Variants in ZNF607 observed in about 807,000 individuals in gnomAD.
The protein encoded by ZNF607 is zinc finger protein 607.
A neutral mutation model predicts 12.8 loss-of-function variants in ZNF607; 5 were observed. The ratio of observed to expected loss-of-function variants is 0.39; its 90% CI spans 0.20 to 0.82. The LOEUF is 0.82. Ranked by LOEUF, ZNF607 falls within the 40% of genes least tolerant of loss-of-function variation. The pLI, the probability that ZNF607 is intolerant of heterozygous loss-of-function variation, is 0.39. For synonymous variants in ZNF607, 287 were observed against 276.2 expected (o/e 1.04, Z -0.39); for missense variants, 851 against 859.2 (o/e 0.99, Z 0.12).
In ZNF607 at chr19:37,708,159, G is replaced by T. The variant is rs2045102425; in HGVS notation, c.137-147C>A. ...GGAAATAAAGAAAAAGATCACCCAG[G>T]GAGAGTCAATGTTTTTGTTTGCTGG... On this transcript the variant is annotated intron_variant, in intron 3 of 4. Transcript: ENST00000355202. 3 of 612,722 alleles carry T rather than the reference G, an allele frequency of 4.9e-6. No homozygotes were observed. In the South Asian group the frequency reaches 8.9e-5, roughly 18 times the overall value. 38.0% of individuals were successfully genotyped at this position (612,722 alleles called of 1,614,324 possible).
At chr19:37,706,367 C>A (rs1242384132) in intron 4 of ZNF607, 2 of 152,308 alleles carry the variant, frequency 1.3e-5, no homozygotes, top group African/African-American at 4.8e-5. Context: ...GTAATAGGAA[C>A]TGAGGTGAAT....
Position 37,699,097 on chromosome 19 carries a change from G to T in ZNF607, c.1034C>A (p.Ala345Asp). 5.6e-6 allele frequency: 9 copies of T among 1,613,994 alleles called. No individual in the cohort carries two copies. Among genetic ancestry groups the T allele is most frequent in the Non-Finnish European group, 7.6e-6 (9 of 1,179,994 alleles). ...KHYECKENGE[A>D]FSSGHQLTAP... ...AGTAAGTTGATGGCCACTACTAAAA[G>T]CCTCCCCATTTTCTTTACATTCATA... The change falls in exon 5 of 5, where the codon GCT becomes GAT. Residue 345 changes from alanine (A) to aspartate (D), a missense_variant. Ala to Asp is a moderately radical substitution (Grantham distance 126). Coordinates refer to ENST00000355202, the MANE Select transcript of ZNF607 (RefSeq NM_032689.5).
intron 4 of ZNF607, among the ~76,000 whole-genome samples, chr19:37,704,090 C>T (rs1334029199): frequency 5.3e-5 from 8 of 151,162 alleles, no homozygotes; most frequent in African/African-American, 1.7e-4. Context: ...GCCAAGACCA[C>T]GCCATTGCAC....
At position 37,709,721 on chromosome 19, in the gene ZNF607, C is replaced by A. The variant is rs979973845; in HGVS notation, c.111G>T (p.Glu37Asp). Reference protein sequence around the residue: ...QKTLYQEVMMENYDNLVSLAG... With the variant: ...QKTLYQEVMMDNYDNLVSLAG... Reference sequence around the variant, plus strand: ...CCAATGAGACTAAGTTGTCATAGTTCTCCATCATCACCTCCTGGTACAAGG... The same window carrying A: ...CCAATGAGACTAAGTTGTCATAGTTATCCATCATCACCTCCTGGTACAAGG... Residue 37 changes from glutamate (E) to aspartate (D), a missense_variant, in exon 3 of 5, where the codon GAG becomes GAT. Glu to Asp is a conservative substitution (Grantham distance 45). Transcript: ENST00000355202. The A allele has an allele frequency of 1.1e-5, 18 of 1,613,796 alleles. No individual in the cohort carries two copies. The highest frequency in any genetic ancestry group is 1.7e-5 in the Admixed American group (1 of 59,994).
chr19:37,713,850 T>C (rs1482785291), intron 1 of ZNF607, among the ~76,000 whole-genome samples: 1 of 152,172 alleles, frequency 6.6e-6, no homozygotes, highest in Admixed American at 6.5e-5. Context: ...CAAAGATAAT[T>C]TTTGATTATC....
At chr19:37,712,021 T>C (rs1377239140) in intron 1 of ZNF607, among the ~76,000 whole-genome samples, 2 of 152,194 alleles carry the variant, frequency 1.3e-5, no homozygotes, top group Non-Finnish European at 2.9e-5. Flanking sequence ...GAACTACCTC[T>C]TTCCATTCCC....
Position 37,698,756 on chromosome 19 carries a change from GA to G in ZNF607, c.1374del (p.Arg459ValfsTer66). The G allele has an allele frequency of 6.2e-6, 10 of 1,613,322 alleles. No individual in the cohort carries two copies. Among genetic ancestry groups the G allele is most frequent in the Non-Finnish European group, 7.6e-6 (9 of 1,179,698 alleles). On this transcript the variant is annotated frameshift_variant, in exon 5 of 5. Coordinates refer to ENST00000355202, the MANE Select transcript of ZNF607 (RefSeq NM_032689.5). LOFTEE classifies it low-confidence loss of function (END_TRUNC). ...TGTATAACAAGATATGAGGCACAAC[GA>G]AAGGACTTCCCACATTCTTTACATT... ...PFECKECGKS[F>X]RCASYLVIHE...
At chr19:37,714,311 AAACAACAAC>A (rs376072397) in intron 1 of ZNF607, among the ~76,000 whole-genome samples, 11 of 139,532 alleles carry the variant, frequency 7.9e-5, no homozygotes, top group African/African-American at 2.9e-4. Flanking sequence ...CTCCGTCTCA[AAACAACAAC>A]AACAACAACA....
chr19:37,708,218 C>T (rs1400615822), intron 3 of ZNF607, among the ~76,000 whole-genome samples: 6 of 147,622 alleles, frequency 4.1e-5, no homozygotes, highest in East Asian at 4.0e-4. Flanking sequence ...TTTTTTGCGA[C>T]GGAGTCTCGC....
chr19:37,707,773 C>G (rs1424230945), intron 4 of ZNF607, 141 bp downstream of exon 4: 5 of 636,040 alleles, frequency 7.9e-6, no homozygotes, highest in Non-Finnish European at 1.4e-5. Context: ...ATATCCATTT[C>G]TTCTCCACAT....
intron 4 of ZNF607, among the ~76,000 whole-genome samples, chr19:37,705,327 A>C (rs996280881): frequency 1.3e-5 from 2 of 152,218 alleles, no homozygotes; most frequent in Non-Finnish European, 2.9e-5. Flanking sequence ...CCAAAGCTTG[A>C]CCAAGAAGTA....
Position 37,698,360 on chromosome 19 carries a change from A to T in ZNF607, c.1771T>A (p.Cys591Ser). 15 of 1,614,152 alleles carry T rather than the reference A, an allele frequency of 9.3e-6. No individual in the cohort carries two copies. The highest frequency in any genetic ancestry group is 1.3e-5 in the Non-Finnish European group (15 of 1,180,002). ...RTHAGEKSYE[C>S]KECGETFSHA... Reference sequence around the variant, plus strand: ...CTAAAAGTTTCCCCACATTCTTTACATTCATAGGACTTTTCACCAGCATGA... The same window carrying T: ...CTAAAAGTTTCCCCACATTCTTTACTTTCATAGGACTTTTCACCAGCATGA... Residue 591 changes from cysteine to serine, a missense_variant, in exon 5 of 5, where the codon TGT (cysteine) becomes AGT (serine). By Grantham distance (112) the Cys-to-Ser change is moderately radical. Coordinates refer to ENST00000355202, the MANE Select transcript of ZNF607 (RefSeq NM_032689.5).
At chr19:37,702,155 C>T (rs1411779619) in intron 4 of ZNF607, among the ~76,000 whole-genome samples, 4 of 151,574 alleles carry the variant, frequency 2.6e-5, no homozygotes, top group South Asian at 2.1e-4. Context: ...GGCATGGTGG[C>T]GGGCACCTGT....
intron 4 of ZNF607, 55 bp from the exon 5 acceptor site, chr19:37,699,950 G>A: frequency 7.1e-7 from 1 of 1,414,816 alleles, no homozygotes; most frequent in South Asian, 1.4e-5. Context: ...CAATGTTATT[G>A]TAGAATTAAG....
chr19:37,713,861 G>A (rs1160343084), intron 1 of ZNF607, among the ~76,000 whole-genome samples: 2 of 152,040 alleles, frequency 1.3e-5, no homozygotes, highest in Non-Finnish European at 1.5e-5. Flanking sequence ...TTTGATTATC[G>A]AAATTAAAAA....
chr19:37,717,854 AGTTTGAGAACTGT>A (rs1402346866), intron 1 of ZNF607, among the ~76,000 whole-genome samples: 1 of 150,788 alleles, frequency 6.6e-6, no homozygotes, highest in Admixed American at 6.6e-5. Context: ...TTGCATATAT[AGTTTGAGAACTGT>A]GATCCACCAC....
chr19:37,710,021 G>A (rs1427715538), intron 2 of ZNF607, among the ~76,000 whole-genome samples, 199 bp from the exon 3 acceptor site: 1 of 152,144 alleles, frequency 6.6e-6, no homozygotes, highest in Non-Finnish European at 1.5e-5. Context: ...TGGGTGTGGT[G>A]GCGCATGCCT....
chr19:37,697,082 G>C lies in ZNF607; in HGVS notation c.*958C>G. On this transcript the variant is annotated 3_prime_UTR_variant, in exon 5 of 5. Coordinates refer to ENST00000355202, the MANE Select transcript of ZNF607 (RefSeq NM_032689.5). ...CATCGTAGTCCTCTCCAATGCTGGTGAAGATGCGAGGAAGCTGGCTAGTGA... is the reference window on the plus strand; with the variant it reads ...CATCGTAGTCCTCTCCAATGCTGGTCAAGATGCGAGGAAGCTGGCTAGTGA... 1 of 743,954 alleles carries C rather than the reference G, an allele frequency of 1.3e-6. No homozygotes were observed. The highest frequency in any genetic ancestry group is 1.8e-5 in the Admixed American group (1 of 57,020). 46.1% of individuals were successfully genotyped at this position (743,954 alleles called of 1,614,324 possible).
intron 4 of ZNF607, among the ~76,000 whole-genome samples, chr19:37,705,022 T>C (rs1443865109): frequency 2.0e-5 from 3 of 147,602 alleles, no homozygotes; most frequent in Non-Finnish European, 4.5e-5. Flanking sequence ...GAGGAGCAAA[T>C]CAAACCCAAA....
Sources: gnomAD v4.1 joint callset for allele counts (sites outside exome capture counted in the v4.1 genomes callset) on GRCh38, gnomAD v4.1.1 for gene constraint, MANE v1.5 for transcripts, NCBI Gene and HGNC (gene_info 2026-07-23, HGNC 2026-07-21) for gene names.